Variants in TECPR2 observed in about 807,000 individuals in gnomAD.
TECPR2 encodes tectonin beta-propeller repeat containing 2.
TECPR2 carries 65 observed loss-of-function variants against 138.1 expected under a neutral mutation model. That is an observed-to-expected ratio of 0.47 (90% CI 0.39 to 0.58). The LOEUF (loss-of-function observed/expected upper bound fraction) is 0.58. Ranked by LOEUF, TECPR2 falls within the 20% of genes least tolerant of loss-of-function variation. The pLI, the probability that TECPR2 is intolerant of heterozygous loss-of-function variation, is 0.00. For missense variants in TECPR2, 1,553 were observed against 1,824.5 expected, an observed-to-expected ratio of 0.85 and a Z score of 2.71; for synonymous variants, 746 against 749.8, an observed-to-expected ratio of 0.99 and a Z score of 0.08.
intron 17 of TECPR2, among the ~76,000 whole-genome samples, chr14:102,467,842 C>CT (rs554307063): frequency 0.043 from 6,237 of 143,790 alleles, 143 homozygotes; most frequent in Middle Eastern, 0.094. Context: ...TTCCTTTTTT[C>CT]TTTTTTTTTT....
At chr14:102,418,827 T>C (rs1381570682) in intron 5 of TECPR2, among the ~76,000 whole-genome samples, 1 of 152,170 alleles carries the variant, frequency 6.6e-6, no homozygotes, top group African/African-American at 2.4e-5. Context: ...GCTGGCAGAT[T>C]TGCTGCCACG....
In TECPR2 at chr14:102,362,959, C is replaced by G. The variant is rs1429680179; in HGVS notation, c.-230C>G. 3 of 1,452,746 alleles carry G rather than the reference C, an allele frequency of 2.1e-6. No homozygotes were observed. The highest frequency in any genetic ancestry group is 2.4e-5 in the South Asian group (2 of 83,272). 90.0% of individuals were successfully genotyped at this position (1,452,746 alleles called of 1,614,324 possible). Reference sequence around the variant, plus strand: ...CGCTGCCACTTGTGGCTCTGCCGCTCTAGCCCCCGGCGGAGCCAGCTGCTG... The same window carrying G: ...CGCTGCCACTTGTGGCTCTGCCGCTGTAGCCCCCGGCGGAGCCAGCTGCTG... On this transcript the variant is annotated 5_prime_UTR_variant, in exon 1 of 20. Transcript: ENST00000359520.
At chr14:102,498,023 G>GCCCAAGCTCCCAGCTCCATCTGTA in intron 19 of TECPR2, 80 bp from the exon 20 acceptor site, 2 of 1,502,888 alleles carry the variant, frequency 1.3e-6, no homozygotes, top group Non-Finnish European at 1.8e-6. Flanking sequence ...CCAGACCTGC[G>GCCCAAGCTCCCAGCTCCATCTGTA]CCCAAGCTCC....
chr14:102,494,207 C>T (rs1419318256), intron 17 of TECPR2, among the ~76,000 whole-genome samples: 1 of 152,134 alleles, frequency 6.6e-6, no homozygotes, highest in Non-Finnish European at 1.5e-5. Flanking sequence ...GGGAGCCCCT[C>T]GCTAGGACTC....
chr14:102,447,398 C>T (rs1890011863), intron 13 of TECPR2, among the ~76,000 whole-genome samples: 1 of 152,082 alleles, frequency 6.6e-6, no homozygotes, highest in African/African-American at 2.4e-5. Flanking sequence ...TGTGAACCAC[C>T]ACCCTCGGCC....
At chr14:102,413,717 A>AT (rs1347593871) in intron 4 of TECPR2, among the ~76,000 whole-genome samples, 1 of 152,078 alleles carries the variant, frequency 6.6e-6, no homozygotes, top group African/African-American at 2.4e-5. Flanking sequence ...ACAGAATCAG[A>AT]TTTTTTATAC....
At chr14:102,490,553 C>T (rs1028519930) in intron 17 of TECPR2, among the ~76,000 whole-genome samples, 5 of 152,218 alleles carry the variant, frequency 3.3e-5, no homozygotes, top group Admixed American at 1.3e-4. Flanking sequence ...GGCGCCTTCC[C>T]GAGTCACCCG....
At chr14:102,463,031 G>T (rs975471096) in intron 16 of TECPR2, among the ~76,000 whole-genome samples, 3 of 152,212 alleles carry the variant, frequency 2.0e-5, no homozygotes, top group African/African-American at 7.2e-5. Flanking sequence ...AATGGCTGCC[G>T]TGGAAAAGGT....
intron 7 of TECPR2, among the ~76,000 whole-genome samples, chr14:102,431,304 T>G (rs1048246556): frequency 3.3e-5 from 5 of 151,700 alleles, no homozygotes; most frequent in Non-Finnish European, 7.4e-5. Flanking sequence ...AAACTGTTTC[T>G]TAGAGTCTTT....
At position 102,368,612 on chromosome 14, in the gene TECPR2, G is replaced by GT. The variant is rs547989402; in HGVS notation, c.-73+5508dup. ...GGAGATATTTTCTTCCATTTTGTGG[G>GT]TTTTTTTTTTTTATTTTTGTCGGTG... is the stretch of plus-strand genomic sequence containing the variant. On this transcript the variant is annotated intron_variant, in intron 1 of 19. Coordinates refer to ENST00000359520, the MANE Select transcript of TECPR2 (RefSeq NM_014844.5). Among the ~76,000 whole-genome samples the GT allele has an allele frequency of 2.7e-3, 376 of 140,958 alleles. 1 individual carries two copies. The highest frequency in any genetic ancestry group is 7.2e-3 in the East Asian group (35 of 4,878). The allele number at this position is 140,958 out of a possible 152,430, so 92.5% of individuals were successfully genotyped here.
chr14:102,425,087 G>T lies in TECPR2; in HGVS notation c.747G>T (p.Gly249=). ...GGCTATGGAAGGCTGATGTCCACGG[G>T]ACTGTTCAAGCCACGTTTATCTTAA... The part of the protein sequence containing the change: ...GLRLWKADVH[G]TVQATFILKD... The change falls in exon 6 of 20, where the codon GGG becomes GGT. Residue 249 remains glycine (G), a synonymous_variant. Transcript: ENST00000359520. The T allele has an allele frequency of 6.2e-7, 1 of 1,614,124 alleles. No homozygotes were observed. Among genetic ancestry groups the T allele is most frequent in the Admixed American group, 1.7e-5 (1 of 60,006 alleles).
chr14:102,477,972 G>A (rs1399204549), intron 17 of TECPR2, among the ~76,000 whole-genome samples: 4 of 147,252 alleles, frequency 2.7e-5, no homozygotes, highest in African/African-American at 7.5e-5. Flanking sequence ...TAGCCAGGAC[G>A]GTCTAGATCT....
chr14:102,406,210 G>A (rs998077366), intron 2 of TECPR2, among the ~76,000 whole-genome samples: 3 of 152,146 alleles, frequency 2.0e-5, no homozygotes, highest in Admixed American at 6.6e-5. Context: ...ACTTTAAAAA[G>A]GGATACTGGT....
rs1027683579 is a variant in TECPR2 at position 102,452,664 on chromosome 14, G to A, written c.3640+37G>A. On this transcript the variant is annotated intron_variant, in intron 16 of 19. Transcript: ENST00000359520. Reference sequence around the variant, plus strand: ...TCGTGAGTACACCTGCCGGTGCCCTGACTGCCCTAAACCGGCATCACAACG... The same window carrying A: ...TCGTGAGTACACCTGCCGGTGCCCTAACTGCCCTAAACCGGCATCACAACG... The A allele has an allele frequency of 2.6e-6, 4 of 1,510,872 alleles. No homozygotes were observed. In the African/African-American group the frequency reaches 5.5e-5, roughly 21 times the overall value. 93.6% of individuals were successfully genotyped at this position (1,510,872 alleles called of 1,614,324 possible).
intron 16 of TECPR2, 150 bp downstream of exon 16, chr14:102,452,777 T>C (rs572000193): frequency 1.5e-5 from 10 of 653,118 alleles, no homozygotes; most frequent in African/African-American, 1.3e-4. Context: ...AGGAGCTCAG[T>C]TGGCCACTCT....
At chr14:102,399,108 A>T (rs1888398186) in intron 2 of TECPR2, among the ~76,000 whole-genome samples, 2 of 152,140 alleles carry the variant, frequency 1.3e-5, no homozygotes, top group South Asian at 4.1e-4. Context: ...AAAAATACAA[A>T]AATTAGCCAG....
Position 102,425,060 on chromosome 14 carries a change from C to T in TECPR2, c.720C>T (p.Leu240=). The part of the protein sequence containing the change: ...DLTLYASRPG[L]RLWKADVHGT... ...CCTTGTATGCGTCACGGCCCGGGCT[C>T]CGGCTATGGAAGGCTGATGTCCACG... Residue 240 remains leucine (L), a synonymous_variant, in exon 6 of 20, where the codon CTC becomes CTT. Transcript: ENST00000359520. The T allele has an allele frequency of 6.2e-7, 1 of 1,614,044 alleles. No individual in the cohort carries two copies. Among genetic ancestry groups the T allele is most frequent in the East Asian group, 2.2e-5 (1 of 44,876 alleles).
At chr14:102,399,782 G>A (rs1888420672) in intron 2 of TECPR2, among the ~76,000 whole-genome samples, 1 of 151,076 alleles carries the variant, frequency 6.6e-6, no homozygotes, top group Admixed American at 6.6e-5. Context: ...AGCGAACTGA[G>A]ATCTGGCCAC....
intron 2 of TECPR2, among the ~76,000 whole-genome samples, chr14:102,381,186 C>T (rs1366615533): frequency 1.3e-5 from 2 of 152,134 alleles, no homozygotes; most frequent in Non-Finnish European, 1.5e-5. Context: ...GTGTCAAACT[C>T]CTGATGTCAG....
Sources: gnomAD v4.1 joint callset for allele counts (sites outside exome capture counted in the v4.1 genomes callset) on GRCh38, gnomAD v4.1.1 for gene constraint, MANE v1.5 for transcripts, NCBI Gene and HGNC (gene_info 2026-07-23, HGNC 2026-07-21) for gene names.